Variants in PAGR1 observed in about 807,000 individuals in gnomAD.
PAGR1 encodes PAXIP1 associated glutamate rich protein 1, also known as PAXIP1-associated glutamate-rich protein 1.
Under a neutral mutation model 22.4 loss-of-function variants are expected in PAGR1, and 20 were observed. The ratio of observed to expected loss-of-function variants is 0.89; its 90% confidence interval spans 0.63 to 1.30. PAGR1 has a LOEUF of 1.30. Among genes scored for constraint, PAGR1 ranks in the 50% most tolerant of loss-of-function variants. The pLI, the probability that PAGR1 is intolerant of heterozygous loss-of-function variation, is 0.00. For synonymous variants in PAGR1, 161 were observed against 148.3 expected, an observed-to-expected ratio of 1.09 and a Z score of -0.62; for missense variants, 338 against 343.6, an observed-to-expected ratio of 0.98 and a Z score of 0.13.
Position 29,820,012 on chromosome 16 carries a change from TAG to T in PAGR1, c.*265_*266del, listed in dbSNP as rs953358536. On this transcript the variant is annotated 3_prime_UTR_variant, in exon 3 of 3. Transcript: ENST00000320330. ...GTGTGTTTTCTATTGAACATCTATA[TAG>T]AGAGAGTGTGTGAGTGTGTGTTTTC... 1.7e-5 allele frequency: 8 copies of T among 459,076 alleles called. No individual in the cohort carries two copies. The highest frequency in any genetic ancestry group is 1.7e-4 in the East Asian group (5 of 28,848). 28.4% of individuals were successfully genotyped at this position (459,076 alleles called of 1,614,324 possible). A position where few individuals can be genotyped will look rare whatever the true frequency, so the allele number is the denominator to read the frequency against.
rs1490936605 is a variant in PAGR1, at chr16:29,820,337, GCT to G, written c.*584_*585del. The G allele has an allele frequency of 6.6e-6, 1 of 152,272 alleles. No individual in the cohort carries two copies. Among genetic ancestry groups the G allele is most frequent in the Non-Finnish European group, 1.5e-5 (1 of 68,092 alleles). The allele number at this position is 152,272 out of a possible 1,614,324, so 9.4% of individuals were successfully genotyped here. A position where few individuals can be genotyped will look rare whatever the true frequency, so the allele number is the denominator to read the frequency against. On this transcript the variant is annotated 3_prime_UTR_variant, in exon 3 of 3. Coordinates refer to ENST00000320330, the MANE Select transcript of PAGR1 (RefSeq NM_024516.4). ...GCACTCAGGGAGCAGTGTGCCTTCA[GCT>G]GCAGCAGAAGCAGCCCGGAGGATAA...
chr16:29,819,563 G>A lies in PAGR1; in HGVS notation c.574G>A (p.Ala192Thr). The A allele has an allele frequency of 6.2e-7, 1 of 1,614,036 alleles. No individual in the cohort carries two copies. Among genetic ancestry groups the A allele is most frequent in the Non-Finnish European group, 8.5e-7 (1 of 1,180,006 alleles). ...IDRRRTPGSSARSQKREARLD... is the reference protein window; with the variant it reads ...IDRRRTPGSSTRSQKREARLD... The stretch of plus-strand genomic sequence containing the variant: ...ACCTTCCTCTTCTCCAGGAAGCTCA[G>A]CCCGGAGCCAGAAACGGGAGGCCCG... Residue 192 changes from alanine (A) to threonine (T), a missense_variant, in exon 3 of 3, where the codon GCC becomes ACC. Around this residue, in one of 3 missense-constraint regions of PAGR1, gnomAD observed 51 missense variants for 83.1 expected, o/e 0.61. Coordinates refer to ENST00000320330, the MANE Select transcript of PAGR1 (RefSeq NM_024516.4).
rs942526961 is a variant in PAGR1 at position 29,822,063 on chromosome 16, T to TTG, written c.*2320_*2321dup. ...CAACATAGCGAGACCCTGTCTCTGT[T>TTG]TGTGTGTGTGTGGTTGGGGTTTTGT... On this transcript the variant is annotated 3_prime_UTR_variant, in exon 3 of 3. Transcript: ENST00000320330. 5.9e-5 allele frequency among the ~76,000 whole-genome samples: 9 copies of TTG among 151,660 alleles called. No individual in the cohort carries two copies. The East Asian group carries it at 9.7e-4, about 16-fold the overall frequency.
In PAGR1 at chr16:29,817,073, G is replaced by A; in HGVS notation, c.482+66G>A. ...CTGATGGCGGGAGGAAATAGGGAGG[G>A]GAAAATGTGGGACGCTGGAACCTTT... On this transcript the variant is annotated intron_variant, in intron 1 of 2. Transcript: ENST00000320330. 9 of 1,555,888 alleles carry A rather than the reference G, an allele frequency of 5.8e-6. 1 individual carries two copies. The East Asian group carries it at 2.1e-4, about 37-fold the overall frequency.
At chr16:29,817,350 G>T (rs1900271477) in intron 2 of PAGR1, 58 bp downstream of exon 2, 3 of 1,558,122 alleles carry the variant, frequency 1.9e-6, no homozygotes, top group Middle Eastern at 1.7e-4. Flanking sequence ...AGTTACCCAA[G>T]ATCGGCTCCC....
chr16:29,817,543 A>G (rs556051882), intron 2 of PAGR1, among the ~76,000 whole-genome samples: 149 of 138,736 alleles, frequency 1.1e-3, no homozygotes, highest in Non-Finnish European at 2.1e-3. Context: ...GCACGATCTC[A>G]ACTCACTGCA....
chr16:29,820,002 A>C lies in PAGR1; in HGVS notation c.*248A>C. 2.0e-6 allele frequency: 1 copy of C among 504,398 alleles called. No individual in the cohort carries two copies. The highest frequency in any genetic ancestry group is 3.5e-6 in the Non-Finnish European group (1 of 283,590). 31.2% of individuals were successfully genotyped at this position (504,398 alleles called of 1,614,324 possible). On this transcript the variant is annotated 3_prime_UTR_variant, in exon 3 of 3. Coordinates refer to ENST00000320330, the MANE Select transcript of PAGR1 (RefSeq NM_024516.4). The stretch of plus-strand genomic sequence containing the variant: ...GAGAGAGTGTGTGTGTTTTCTATTG[A>C]ACATCTATATAGAGAGAGTGTGTGA...
Position 29,821,629 on chromosome 16 carries a change from C to G in PAGR1, c.*1875C>G, listed in dbSNP as rs112549897. Among the ~76,000 whole-genome samples, 4,872 of 152,298 alleles carry G rather than the reference C, an allele frequency of 0.032. 122 individuals are homozygous for G. The highest frequency in any genetic ancestry group is 0.051 in the Non-Finnish European group (3,452 of 68,020). On this transcript the variant is annotated 3_prime_UTR_variant, in exon 3 of 3. Coordinates refer to ENST00000320330, the MANE Select transcript of PAGR1 (RefSeq NM_024516.4). ...CGGCTTAGAATCTTTGTGTTTCTGC[C>G]TGAGAAGCCACTGCCTCCTAGTTTG...
rs1434243748 is a variant in PAGR1, at chr16:29,821,654, G to A, written c.*1900G>A. 2.6e-5 allele frequency among the ~76,000 whole-genome samples: 4 copies of A among 152,206 alleles called. No individual in the cohort carries two copies. The highest frequency in any genetic ancestry group is 5.9e-5 in the Non-Finnish European group (4 of 68,032). The stretch of plus-strand genomic sequence containing the variant: ...CTGAGAAGCCACTGCCTCCTAGTTT[G>A]TGGTCTCTACAGTTATAGCCAGGTT... On this transcript the variant is annotated 3_prime_UTR_variant, in exon 3 of 3. Coordinates refer to ENST00000320330, the MANE Select transcript of PAGR1 (RefSeq NM_024516.4).
At position 29,816,154 on chromosome 16, in the gene PAGR1, G is replaced by T. The variant is rs952733996; in HGVS notation, c.-372G>T. ...CCTGGGAGGCGGGTCTTAGCTCCAG[G>T]TGCGTACGGCATCTGACTTGACGTG... On this transcript the variant is annotated 5_prime_UTR_variant, in exon 1 of 3. Coordinates refer to ENST00000320330, the MANE Select transcript of PAGR1 (RefSeq NM_024516.4). 1 of 319,352 alleles carries T rather than the reference G, an allele frequency of 3.1e-6. No homozygotes were observed. The highest frequency in any genetic ancestry group is 4.8e-5 in the East Asian group (1 of 20,686). The allele number at this position is 319,352 out of a possible 1,614,324, so 19.8% of individuals were successfully genotyped here.
Position 29,816,265 on chromosome 16 carries a change from TCTCCTCCCCCTTTCC to T in PAGR1, c.-257_-243del. On this transcript the variant is annotated 5_prime_UTR_variant, in exon 1 of 3. Coordinates refer to ENST00000320330, the MANE Select transcript of PAGR1 (RefSeq NM_024516.4). ...GGAAGCGAGAAGAGTGGCCCGTCCC[TCTCCTCCCCCTTTCC>T]CTCTTTCGGAAAGTGGTTTCTGCGG... 2.4e-6 allele frequency: 1 copy of T among 410,432 alleles called. No individual in the cohort carries two copies. Among genetic ancestry groups the T allele is most frequent in the Non-Finnish European group, 4.3e-6 (1 of 232,560 alleles). The allele number at this position is 410,432 out of a possible 1,614,324, so 25.4% of individuals were successfully genotyped here.
In PAGR1 at chr16:29,816,970, G is replaced by C. The variant is rs780516799; in HGVS notation, c.445G>C (p.Asp149His). Residue 149 changes from aspartate (D) to histidine (H), a missense_variant, in exon 1 of 3, where the codon GAT becomes CAT. By Grantham distance (81) the Asp-to-His change is moderately conservative (BLOSUM62 -1). Coordinates refer to ENST00000320330, the MANE Select transcript of PAGR1 (RefSeq NM_024516.4). ...GGCCCAGAGCGAAGAGGAGAGATCCGATGAGGAGCCGGAGGCCAAAGAAGA... is the reference window on the plus strand; with the variant it reads ...GGCCCAGAGCGAAGAGGAGAGATCCCATGAGGAGCCGGAGGCCAAAGAAGA... The part of the protein sequence containing the change: ...PEAQSEEERS[D>H]EEPEAKEEEE... 6 of 1,570,036 alleles carry C rather than the reference G, an allele frequency of 3.8e-6. No homozygotes were observed. In the Admixed American group the frequency reaches 1.1e-4, roughly 29 times the overall value.
rs1021562035 is a variant in PAGR1, at chr16:29,821,423, A to C, written c.*1669A>C. On this transcript the variant is annotated 3_prime_UTR_variant, in exon 3 of 3. Coordinates refer to ENST00000320330, the MANE Select transcript of PAGR1 (RefSeq NM_024516.4). ...GGGCCACCTTGAGTGGGTGGCCCAG[A>C]GACAGCCTCAGGGCTCCAAGGTAAC... The C allele has an allele frequency of 2.0e-5, 3 of 152,268 alleles. No homozygotes were observed. Among genetic ancestry groups the C allele is most frequent in the Non-Finnish European group, 4.4e-5 (3 of 68,086 alleles). The allele number at this position is 152,268 out of a possible 1,614,324, so 9.4% of individuals were successfully genotyped here. A position where few individuals can be genotyped will look rare whatever the true frequency, so the allele number is the denominator to read the frequency against.
Position 29,819,900 on chromosome 16 carries a change from A to T in PAGR1, c.*146A>T, listed in dbSNP as rs1900325925. 1.1e-6 allele frequency: 1 copy of T among 874,570 alleles called. No individual in the cohort carries two copies. Among genetic ancestry groups the T allele is most frequent in the Non-Finnish European group, 1.7e-6 (1 of 587,438 alleles). 54.2% of individuals were successfully genotyped at this position (874,570 alleles called of 1,614,324 possible). ...CACGTTGCGGGAAAGAGGAAGAGAG[A>T]GTGTGAGTGTGTGTGTGTGTTTTTT... On this transcript the variant is annotated 3_prime_UTR_variant, in exon 3 of 3. Transcript: ENST00000320330.
intron 2 of PAGR1, among the ~76,000 whole-genome samples, chr16:29,819,225 C>T (rs996155165): frequency 6.6e-6 from 1 of 152,144 alleles, no homozygotes; most frequent in Non-Finnish European, 1.5e-5. Context: ...CCTCAGCCTC[C>T]CAAAGTGCTG....
rs1193761654 is a variant in PAGR1, at chr16:29,817,027, C to G, written c.482+20C>G. ...GGAAAAGTAAAGGCACACCCTTACA[C>G]CTTGTCCCGGGGCTGCTCCCCTGAT... On this transcript the variant is annotated intron_variant, in intron 1 of 2. Coordinates refer to ENST00000320330, the MANE Select transcript of PAGR1 (RefSeq NM_024516.4). 10 of 1,556,796 alleles carry G rather than the reference C, an allele frequency of 6.4e-6. No homozygotes were observed. Among genetic ancestry groups the G allele is most frequent in the Non-Finnish European group, 7.8e-6 (9 of 1,151,822 alleles).
At position 29,821,841 on chromosome 16, in the gene PAGR1, A is replaced by G. The variant is rs561225818; in HGVS notation, c.*2087A>G. ...AGCTGTTACTTAGGGGCGTTTGCCT[A>G]GAACACAGGGTCCAGAGGCTCTCTC... is the stretch of plus-strand genomic sequence containing the variant. On this transcript the variant is annotated 3_prime_UTR_variant, in exon 3 of 3. Coordinates refer to ENST00000320330, the MANE Select transcript of PAGR1 (RefSeq NM_024516.4). Among the ~76,000 whole-genome samples, 13 of 152,342 alleles carry G rather than the reference A, an allele frequency of 8.5e-5. No homozygotes were observed. In the South Asian group the frequency reaches 2.7e-3, roughly 32 times the overall value.
intron 2 of PAGR1, among the ~76,000 whole-genome samples, 176 bp downstream of exon 2, chr16:29,817,468 C>CTT (rs753890811): frequency 2.2e-3 from 267 of 122,550 alleles, no homozygotes; most frequent in African/African-American, 4.0e-3. Context: ...CCTTGTCTTC[C>CTT]TTTTTTTTTT....
chr16:29,817,666 C>T (rs143197198), intron 2 of PAGR1, among the ~76,000 whole-genome samples: 4,913 of 151,892 alleles, frequency 0.032, 263 homozygotes, highest in African/African-American at 0.11. Flanking sequence ...TAGAGACAGG[C>T]TTTCACCATG....
Sources: gnomAD v4.1 joint callset for allele counts (sites outside exome capture counted in the v4.1 genomes callset) on GRCh38, gnomAD v4.1.1 for gene constraint, gnomAD v4.1.1 regional missense constraint, MANE v1.5 for transcripts, NCBI Gene and HGNC (gene_info 2026-07-23, HGNC 2026-07-21) for gene names.